The following C22orf42 variants were observed in gnomAD, a reference collection of about 807,000 sequenced individuals.
The protein encoded by C22orf42 is chromosome 22 open reading frame 42, also known as uncharacterized protein C22orf42.
A neutral mutation model predicts 31.4 loss-of-function variants in C22orf42; 24 were observed. The ratio of observed to expected loss-of-function variants is 0.77; its 90% CI spans 0.55 to 1.08. The LOEUF is 1.08. C22orf42 is among the 50% of genes least tolerant of loss of function. The probability of loss-of-function intolerance (pLI) is 0.00; values close to 1 mark genes in which losing one functional copy is unlikely to be tolerated. For synonymous variants in C22orf42, 96 were observed against 112.7 expected, an observed-to-expected ratio of 0.85 and a Z score of 0.94; for missense variants, 276 against 327.3, an observed-to-expected ratio of 0.84 and a Z score of 1.21.
At position 32,149,203 on chromosome 22, in the gene C22orf42, T is replaced by C; in HGVS notation, c.*337A>G. The C allele has an allele frequency of 5.9e-6, 1 of 168,246 alleles. No individual in the cohort carries two copies. Among genetic ancestry groups the C allele is most frequent in the Non-Finnish European group, 1.3e-5 (1 of 77,780 alleles). 10.4% of individuals were successfully genotyped at this position (168,246 alleles called of 1,614,324 possible). A position where few individuals can be genotyped will look rare whatever the true frequency, so the allele number is the denominator to read the frequency against. Reference sequence around the variant, plus strand: ...ACCAGCTCAGCTCCTTTGCTCTTCCTTATCCAGGAAATACAGAAATATATG... The same window carrying C: ...ACCAGCTCAGCTCCTTTGCTCTTCCCTATCCAGGAAATACAGAAATATATG... On this transcript the variant is annotated 3_prime_UTR_variant, in exon 9 of 9. Transcript: ENST00000382097.
intron 1 of C22orf42, among the ~76,000 whole-genome samples, chr22:32,155,360 T>C (rs1921204625): frequency 1.3e-5 from 2 of 152,168 alleles, no homozygotes; most frequent in Admixed American, 1.3e-4. Flanking sequence ...CTCTCAGTTA[T>C]GATGCACAGT....
In C22orf42 at chr22:32,151,949, A is replaced by G; in HGVS notation, c.400+118T>C. On this transcript the variant is annotated intron_variant, in intron 4 of 8. Coordinates refer to ENST00000382097, the MANE Select transcript of C22orf42 (RefSeq NM_001010859.3). ...AAAGAGGTTCTAAGATTAGATTGTA[A>G]AATGGTTGCACAACCCTGTGAATAT... 8 of 1,025,804 alleles carry G rather than the reference A, an allele frequency of 7.8e-6. No homozygotes were observed. The South Asian group carries it at 1.2e-4, about 15-fold the overall frequency. 63.5% of individuals were successfully genotyped at this position (1,025,804 alleles called of 1,614,324 possible).
intron 3 of C22orf42, 94 bp downstream of exon 3, chr22:32,152,468 A>G (rs1921015565): frequency 3.7e-6 from 4 of 1,088,024 alleles, no homozygotes; most frequent in Non-Finnish European, 2.8e-6. Context: ...GGCCTGAATC[A>G]TGATGGCAGT....
intron 1 of C22orf42, 50 bp downstream of exon 1, chr22:32,158,934 T>C (rs1172365082): frequency 6.2e-7 from 1 of 1,602,410 alleles, no homozygotes; most frequent in South Asian, 1.1e-5. Flanking sequence ...GTGGGGGCGG[T>C]GGTGGCCAGA....
At chr22:32,151,119 A>T in intron 5 of C22orf42, 100 bp from the exon 6 acceptor site, 1 of 1,240,602 alleles carries the variant, frequency 8.1e-7, no homozygotes. Flanking sequence ...AAAAAACCGG[A>T]TGTGAAACAG....
chr22:32,155,840 C>G (rs1043671904), intron 1 of C22orf42, among the ~76,000 whole-genome samples: 1 of 152,122 alleles, frequency 6.6e-6, no homozygotes, highest in African/African-American at 2.4e-5. Flanking sequence ...TGAGACCAGC[C>G]TGGGCAACAT....
chr22:32,155,625 C>T (rs1450966533), intron 1 of C22orf42, among the ~76,000 whole-genome samples: 2 of 151,584 alleles, frequency 1.3e-5, no homozygotes, highest in South Asian at 2.1e-4. Context: ...AACTGTTTAA[C>T]GTTTTAATCA....
intron 5 of C22orf42, 113 bp from the exon 6 acceptor site, chr22:32,151,132 A>G: frequency 9.2e-7 from 1 of 1,086,374 alleles, no homozygotes; most frequent in Non-Finnish European, 1.4e-6. Context: ...TGAAACAGTG[A>G]TCAAGTCACT....
At chr22:32,153,674 T>A (rs915847133) in intron 2 of C22orf42, among the ~76,000 whole-genome samples, 8 of 152,196 alleles carry the variant, frequency 5.3e-5, no homozygotes, top group Non-Finnish European at 1.2e-4. Context: ...AAGCAAGTAA[T>A]CATAATCCTA....
chr22:32,150,607 C>T, intron 6 of C22orf42, 128 bp from the exon 7 acceptor site: 1 of 853,612 alleles, frequency 1.2e-6, no homozygotes, highest in Non-Finnish European at 1.9e-6. Flanking sequence ...TGAGCTGCTG[C>T]TGGACCATTC....
At chr22:32,155,722 C>A (rs1921222864) in intron 1 of C22orf42, among the ~76,000 whole-genome samples, 1 of 152,012 alleles carries the variant, frequency 6.6e-6, no homozygotes, top group Non-Finnish European at 1.5e-5. Flanking sequence ...CATTTAACTT[C>A]ATTTTTCAGA....
Position 32,159,010 on chromosome 22 carries a change from G to C in C22orf42, c.206C>G (p.Thr69Arg). The change falls in exon 1 of 9, where the codon ACG becomes AGG. Residue 69 changes from threonine to arginine, a missense_variant. Transcript: ENST00000382097. ...QLMQYLSLPK[T>R]PKMLKMSKGL... ...TTTGGACATCTTCAGCATCTTCGGC[G>C]TCTTCGGGAGGCTGAGGTACTGCAT... 5.0e-6 allele frequency: 8 copies of C among 1,614,108 alleles called. No homozygotes were observed. Among genetic ancestry groups the C allele is most frequent in the Non-Finnish European group, 6.8e-6 (8 of 1,179,970 alleles).
intron 3 of C22orf42, 26 bp downstream of exon 3, chr22:32,152,536 C>G: frequency 6.3e-7 from 1 of 1,589,856 alleles, no homozygotes; most frequent in Non-Finnish European, 8.6e-7. Context: ...AAGCATTTCT[C>G]TTCCAGAGAA....
At position 32,152,137 on chromosome 22, in the gene C22orf42, T is replaced by G. The variant is rs753341562; in HGVS notation, c.373-43A>C. ...AAAAAGAAACACCATGAGGATCAGA[T>G]CATGCTGGGTTCTGTTGGCAAAGGC... On this transcript the variant is annotated intron_variant, in intron 3 of 8. Coordinates refer to ENST00000382097, the MANE Select transcript of C22orf42 (RefSeq NM_001010859.3). 12 of 1,587,838 alleles carry G rather than the reference T, an allele frequency of 7.6e-6. No individual in the cohort carries two copies. The East Asian group carries it at 2.7e-4, about 35-fold the overall frequency.
chr22:32,149,655 A>AAG, intron 8 of C22orf42, 42 bp from the exon 9 acceptor site: 1 of 1,194,566 alleles, frequency 8.4e-7, no homozygotes. Context: ...AAAAAAATAT[A>AAG]TATATATATA....
intron 3 of C22orf42, 32 bp downstream of exon 3, chr22:32,152,530 A>G: frequency 1.9e-6 from 3 of 1,567,398 alleles, no homozygotes; most frequent in Non-Finnish European, 2.6e-6. Flanking sequence ...AACAAAAAGC[A>G]TTTCTCTTCC....
chr22:32,153,578 T>G (rs966773110), intron 2 of C22orf42, among the ~76,000 whole-genome samples: 1 of 152,180 alleles, frequency 6.6e-6, no homozygotes, highest in Non-Finnish European at 1.5e-5. Flanking sequence ...TAATATCTTT[T>G]CAAAAAACTA....
At chr22:32,156,948 AGCAATATAT>A (rs1235936739) in intron 1 of C22orf42, among the ~76,000 whole-genome samples, 2 of 152,252 alleles carry the variant, frequency 1.3e-5, no homozygotes, top group Non-Finnish European at 2.9e-5. Context: ...CATTTCCACC[AGCAATATAT>A]GCATGCAACT....
intron 1 of C22orf42, among the ~76,000 whole-genome samples, chr22:32,155,677 A>C (rs930167961): frequency 2.0e-5 from 3 of 151,920 alleles, no homozygotes; most frequent in African/African-American, 7.3e-5. Flanking sequence ...GATATATCAT[A>C]GTATATTTTT....
Sources: gnomAD v4.1 joint callset for allele counts (sites outside exome capture counted in the v4.1 genomes callset) on GRCh38, gnomAD v4.1.1 for gene constraint, MANE v1.5 for transcripts, NCBI Gene and HGNC (gene_info 2026-07-23, HGNC 2026-07-21) for gene names.